EPAS1: variants seen among roughly 807,000 people sequenced by gnomAD.
The protein encoded by EPAS1 is endothelial PAS domain protein 1.
EPAS1 carries 23 observed loss-of-function variants against 87.9 expected under a neutral mutation model. The ratio of observed to expected loss-of-function variants is 0.26; its 90% CI spans 0.19 to 0.37. The LOEUF is 0.37. Among genes scored for constraint, EPAS1 ranks in the 10% least tolerant of loss-of-function variants. The pLI, the probability that EPAS1 is intolerant of heterozygous loss-of-function variation, is 1.00. For synonymous variants in EPAS1, 508 were observed against 444.3 expected (o/e 1.14, Z -1.80); for missense variants, 1,138 against 1,120.7 (o/e 1.02, Z -0.22).
At chr2:46,369,717 T>G in intron 6 of EPAS1, 110 bp from the exon 7 acceptor site, 1 of 746,480 alleles carries the variant, frequency 1.3e-6, no homozygotes, top group East Asian at 2.7e-5. Context: ...TGGATTGTGT[T>G]CATCTGCATG....
chr2:46,362,614 C>G (rs1056353193), intron 6 of EPAS1, among the ~76,000 whole-genome samples: 4 of 152,226 alleles, frequency 2.6e-5, no homozygotes, highest in African/African-American at 9.6e-5. Context: ...CTCTTATCAG[C>G]TGGACATCCC....
rs1013027485 is a variant in EPAS1 at position 46,360,815 on chromosome 2, G to C, written c.573+59G>C. The C allele has an allele frequency of 8.1e-5, 131 of 1,611,234 alleles. No homozygotes were observed. Among genetic ancestry groups the C allele is most frequent in the Non-Finnish European group, 1.1e-4 (124 of 1,177,542 alleles). Reference sequence around the variant, plus strand: ...GGTGTAGGGTAACGGCGGTGCAGGGGATGCCTAAGGCCCTACCCCCACCCC... The same window carrying C: ...GGTGTAGGGTAACGGCGGTGCAGGGCATGCCTAAGGCCCTACCCCCACCCC... On this transcript the variant is annotated intron_variant, in intron 5 of 15. Transcript: ENST00000263734. The surrounding 1 kb of genome is among the most constrained non-coding windows in gnomAD (Gnocchi z 4.5).
Position 46,375,775 on chromosome 2 carries a change from G to A in EPAS1, c.972G>A (p.Thr324=), listed in dbSNP as rs752214295. The change falls in exon 8 of 16, where the codon ACG becomes ACA. Residue 324 remains threonine (T), a synonymous_variant. Coordinates refer to ENST00000263734, the MANE Select transcript of EPAS1 (RefSeq NM_001430.5). This position sits in a 1 kb window ranked among gnomAD's most constrained non-coding sequence, Gnocchi z 4.1. ...GGYVWLETQG[T]VIYNPRNLQP... ...ACGTGTGGCTGGAGACCCAGGGGAC[G>A]GTCATCTACAACCCTCGCAACCTGC... 24 of 1,614,110 alleles carry A rather than the reference G, an allele frequency of 1.5e-5. No individual in the cohort carries two copies. The highest frequency in any genetic ancestry group is 1.6e-4 in the Middle Eastern group (1 of 6,084).
intron 1 of EPAS1, among the ~76,000 whole-genome samples, chr2:46,303,187 G>GC (rs1483394920): frequency 2.0e-5 from 3 of 152,006 alleles, no homozygotes; most frequent in African/African-American, 4.8e-5. Context: ...GGTAATAACC[G>GC]CCCCCCTCCC....
At chr2:46,359,296 A>G (rs1433062257) in intron 4 of EPAS1, among the ~76,000 whole-genome samples, 1 of 147,330 alleles carries the variant, frequency 6.8e-6, no homozygotes, top group Non-Finnish European at 1.5e-5. Context: ...AAATGTCAGC[A>G]TGGGGAGAAT....
chr2:46,347,032 C>T lies in EPAS1; in HGVS notation c.186C>T (p.Ser62=). Residue 62 remains serine (S), a synonymous_variant, in exon 2 of 16, where the codon AGC becomes AGT. Coordinates refer to ENST00000263734, the MANE Select transcript of EPAS1 (RefSeq NM_001430.5). This position sits in a 1 kb window ranked among gnomAD's most constrained non-coding sequence, Gnocchi z 4.2. The stretch of plus-strand genomic sequence containing the variant: ...CCTCCATCATGCGACTGGCAATCAG[C>T]TTCCTGCGAACACACAAGCTCCTCT... ...DKASIMRLAI[S]FLRTHKLLSS... 6.2e-7 allele frequency: 1 copy of T among 1,614,220 alleles called. No individual in the cohort carries two copies. Among genetic ancestry groups the T allele is most frequent in the Non-Finnish European group, 8.5e-7 (1 of 1,180,034 alleles).
At position 46,375,782 on chromosome 2, in the gene EPAS1, T is replaced by G; in HGVS notation, c.979T>G (p.Tyr327Asp). The G allele has an allele frequency of 6.2e-7, 1 of 1,614,262 alleles. No individual in the cohort carries two copies. The highest frequency in any genetic ancestry group is 8.5e-7 in the Non-Finnish European group (1 of 1,180,048). Residue 327 changes from tyrosine to aspartate, a missense_variant, in exon 8 of 16, where the codon TAC becomes GAC. Coordinates refer to ENST00000263734, the MANE Select transcript of EPAS1 (RefSeq NM_001430.5). This position sits in a 1 kb window ranked among gnomAD's most constrained non-coding sequence, Gnocchi z 4.1. Reference protein sequence around the residue: ...VWLETQGTVIYNPRNLQPQCI... With the variant: ...VWLETQGTVIDNPRNLQPQCI... The stretch of plus-strand genomic sequence containing the variant: ...GCTGGAGACCCAGGGGACGGTCATC[T>G]ACAACCCTCGCAACCTGCAGCCCCA...
Position 46,297,448 on chromosome 2 carries a change from C to G in EPAS1, c.-464C>G, listed in dbSNP as rs1682901942. The G allele has an allele frequency of 6.3e-6, 1 of 157,504 alleles. No homozygotes were observed. Among genetic ancestry groups the G allele is most frequent in the Non-Finnish European group, 1.4e-5 (1 of 71,412 alleles). 9.8% of individuals were successfully genotyped at this position (157,504 alleles called of 1,614,324 possible). The stretch of plus-strand genomic sequence containing the variant: ...CGCCACACGGGTCCGGTGCCCGCTG[C>G]GCTTCCGCCCCAGCGCTCCTGAGGC... On this transcript the variant is annotated 5_prime_UTR_variant, in exon 1 of 16. Transcript: ENST00000263734.
chr2:46,304,790 A>G (rs1376420680), intron 1 of EPAS1, among the ~76,000 whole-genome samples: 1 of 152,146 alleles, frequency 6.6e-6, no homozygotes. Flanking sequence ...CTGAAGAACC[A>G]TCAAGATGCA....
chr2:46,298,739 C>T (rs1476608276), intron 1 of EPAS1, among the ~76,000 whole-genome samples: 1 of 152,230 alleles, frequency 6.6e-6, no homozygotes, highest in Non-Finnish European at 1.5e-5. Context: ...TGAGAGGCAA[C>T]TCTGGCCATT....
At chr2:46,368,599 G>C (rs1009807573) in intron 6 of EPAS1, among the ~76,000 whole-genome samples, 1 of 152,102 alleles carries the variant, frequency 6.6e-6, no homozygotes, top group Non-Finnish European at 1.5e-5. Context: ...CTGTTTGGGG[G>C]GTGGGTTTAG....
chr2:46,322,039 G>C (rs1683464649), intron 1 of EPAS1, among the ~76,000 whole-genome samples: 1 of 152,118 alleles, frequency 6.6e-6, no homozygotes, highest in Non-Finnish European at 1.5e-5. Flanking sequence ...GTGATGTATA[G>C]GTACCCTTCC....
At chr2:46,326,260 T>G (rs1683562344) in intron 1 of EPAS1, among the ~76,000 whole-genome samples, 1 of 152,170 alleles carries the variant, frequency 6.6e-6, no homozygotes, top group Admixed American at 6.5e-5. Context: ...GCTTTTCTCT[T>G]TAAGCTTCCA....
chr2:46,378,869 C>T, intron 11 of EPAS1, 102 bp downstream of exon 11: 4 of 1,178,034 alleles, frequency 3.4e-6, no homozygotes, highest in Non-Finnish European at 3.8e-6. Flanking sequence ...TTGTAAAGAG[C>T]AGTGGAGACG....
Position 46,382,532 on chromosome 2 carries a change from T to C in EPAS1, c.2395T>C (p.Phe799Leu), listed in dbSNP as rs756915899. 1.9e-6 allele frequency: 3 copies of C among 1,614,092 alleles called. No individual in the cohort carries two copies. Among genetic ancestry groups the C allele is most frequent in the Admixed American group, 1.7e-5 (1 of 60,022 alleles). The change falls in exon 15 of 16, where the codon TTC becomes CTC. Residue 799 changes from phenylalanine (F) to leucine (L), a missense_variant. Physicochemically the swap from Phe to Leu is conservative, Grantham distance 22 (BLOSUM62 0). This residue lies in a region of EPAS1 where 502 missense variants were observed against 427.1 expected (regional missense o/e 1.18). Transcript: ENST00000263734. ...ISPGENSKSR[F>L]PPQCYATQYQ... ...TCCCGGGGAGAACAGCAAGAGCAGG[T>C]TCCCCCCACAGTGCTACGCCACCCA...
At position 46,346,810 on chromosome 2, in the gene EPAS1, T is replaced by C. The variant is rs1572631247; in HGVS notation, c.27-63T>C. The C allele has an allele frequency of 1.9e-6, 3 of 1,584,338 alleles. No homozygotes were observed. The East Asian group carries it at 6.8e-5, about 36-fold the overall frequency. The stretch of plus-strand genomic sequence containing the variant: ...GGGGGTTGGGGCCATGGGGATGTCC[T>C]GGCCAGAGGTATGATAGGCTGACAG... On this transcript the variant is annotated intron_variant, in intron 1 of 15. Coordinates refer to ENST00000263734, the MANE Select transcript of EPAS1 (RefSeq NM_001430.5). The surrounding 1 kb of genome is among the most constrained non-coding windows in gnomAD (Gnocchi z 4.0).
intron 14 of EPAS1, 99 bp from the exon 15 acceptor site, chr2:46,382,324 ACT>A: frequency 6.8e-7 from 1 of 1,471,704 alleles, no homozygotes; most frequent in Admixed American, 1.7e-5. Context: ...AGTTCTGGTG[ACT>A]CTGAGCACCT....
chr2:46,299,584 C>T (rs891540495), intron 1 of EPAS1, among the ~76,000 whole-genome samples: 2 of 152,146 alleles, frequency 1.3e-5, no homozygotes, highest in Non-Finnish European at 2.9e-5. Context: ...GCTTTCGGGT[C>T]CGGAGCCGGG....
chr2:46,330,353 G>T (rs991266282), intron 1 of EPAS1, among the ~76,000 whole-genome samples: 1 of 152,210 alleles, frequency 6.6e-6, no homozygotes, highest in Admixed American at 6.5e-5. Flanking sequence ...GTAGAGCTAG[G>T]CACACATAGA....
Sources: gnomAD v4.1 joint callset for allele counts (sites outside exome capture counted in the v4.1 genomes callset) on GRCh38, gnomAD v4.1.1 for gene constraint, gnomAD v4.1.1 regional missense constraint, Gnocchi (gnomAD v3.1) non-coding constraint, MANE v1.5 for transcripts, NCBI Gene and HGNC (gene_info 2026-07-23, HGNC 2026-07-21) for gene names.